The following KIF26B variants were observed in gnomAD, a reference collection of about 807,000 sequenced individuals.
KIF26B encodes the protein kinesin-like protein KIF26B.
In KIF26B, 63 loss-of-function variants were observed where a neutral mutation model predicts 151.2. The observed-to-expected ratio is 0.42, with a 90% CI of 0.34 to 0.51. The LOEUF (loss-of-function observed/expected upper bound fraction) is 0.51, where lower values mean the gene tolerates loss of function less well. KIF26B is among the 20% of genes least tolerant of loss of function. The pLI is 0.07. For synonymous variants in KIF26B, 1,357 were observed against 1,262.1 expected, an observed-to-expected ratio of 1.08 and a Z score of -1.59; for missense variants, 2,813 against 2,913.6, an observed-to-expected ratio of 0.97 and a Z score of 0.79.
intron 10 of KIF26B, among the ~76,000 whole-genome samples, chr1:245,647,439 A>AG (rs1224761860): frequency 3.4e-4 from 46 of 136,244 alleles, no homozygotes; most frequent in South Asian, 1.8e-3. Flanking sequence ...AAAAAAAAAA[A>AG]AAAAGAAAAA....
intron 8 of KIF26B, among the ~76,000 whole-genome samples, chr1:245,610,300 C>T (rs2043505501): frequency 6.6e-6 from 1 of 152,184 alleles, no homozygotes; most frequent in Non-Finnish European, 1.5e-5. Flanking sequence ...CAAACCTGAC[C>T]ATGCTCTTCC....
At chr1:245,297,357 A>G (rs1671357675) in intron 2 of KIF26B, among the ~76,000 whole-genome samples, 1 of 152,176 alleles carries the variant, frequency 6.6e-6, no homozygotes. Flanking sequence ...AATAAAAAAG[A>G]GCAATTTTTA....
intron 3 of KIF26B, among the ~76,000 whole-genome samples, chr1:245,409,659 A>G (rs1034389305): frequency 1.3e-5 from 2 of 152,200 alleles, no homozygotes; most frequent in Admixed American, 1.3e-4. Flanking sequence ...AGCTAAGATA[A>G]TAAGAGTAAT....
chr1:245,478,133 A>G (rs974464003), intron 4 of KIF26B, among the ~76,000 whole-genome samples: 1 of 151,990 alleles, frequency 6.6e-6, no homozygotes, highest in African/African-American at 2.4e-5. Flanking sequence ...TAATGGTTTC[A>G]AAGTCCATCC....
At chr1:245,557,134 G>T (rs762122071) in intron 5 of KIF26B, among the ~76,000 whole-genome samples, 2 of 152,222 alleles carry the variant, frequency 1.3e-5, no homozygotes, top group South Asian at 2.1e-4. Flanking sequence ...CACTTGCTCT[G>T]CAGTGTAAGC....
intron 2 of KIF26B, among the ~76,000 whole-genome samples, chr1:245,285,213 TCTC>T (rs1255670620): frequency 6.6e-6 from 1 of 152,036 alleles, no homozygotes; most frequent in Non-Finnish European, 1.5e-5. Context: ...TAGAGCATGT[TCTC>T]CTCATGGCAG....
intron 4 of KIF26B, among the ~76,000 whole-genome samples, chr1:245,527,595 G>C (rs565520330): frequency 1.5e-5 from 2 of 130,460 alleles, no homozygotes; most frequent in South Asian, 2.6e-4. Context: ...GCGCAGTGGC[G>C]TGATCTCGGC....
intron 5 of KIF26B, among the ~76,000 whole-genome samples, chr1:245,556,238 C>T (rs1662023130): frequency 6.7e-6 from 1 of 149,866 alleles, no homozygotes; most frequent in African/African-American, 2.5e-5. Flanking sequence ...TCTTCTTCTT[C>T]TTCCTCCTTC....
chr1:245,660,010 T>C (rs973214217), intron 10 of KIF26B, among the ~76,000 whole-genome samples: 18 of 151,598 alleles, frequency 1.2e-4, no homozygotes, highest in Admixed American at 3.3e-4. Context: ...GATCACGCCA[T>C]TGCACTCCAG....
At chr1:245,430,306 A>G (rs1400991995) in intron 4 of KIF26B, among the ~76,000 whole-genome samples, 2 of 151,864 alleles carry the variant, frequency 1.3e-5, no homozygotes, top group Non-Finnish European at 2.9e-5. Flanking sequence ...CACTTCTACC[A>G]CCACCCTAAT....
At chr1:245,534,635 A>AGTAGTTTTTAAGTTATG (rs1661450070) in intron 4 of KIF26B, among the ~76,000 whole-genome samples, 1 of 152,214 alleles carries the variant, frequency 6.6e-6, no homozygotes, top group African/African-American at 2.4e-5. Flanking sequence ...GAATAAGACA[A>AGTAGTTTTTAAGTTATG]GTAGTTTTTA....
At position 245,708,637 on chromosome 1, in the gene KIF26B, G is replaced by A. The variant is rs1218316273; in HGVS notation, c.*6031G>A. On this transcript the variant is annotated 3_prime_UTR_variant, in exon 15 of 15. Transcript: ENST00000407071. ...TCCAGCTTTGCCAGTCATCCTGTCC[G>A]TGATATATTCCATAGGACAGAAAAC... 2 of 150,278 alleles carry A rather than the reference G, an allele frequency of 1.3e-5. No individual in the cohort carries two copies. Among genetic ancestry groups the A allele is most frequent in the Admixed American group, 6.6e-5 (1 of 15,116 alleles). The allele number at this position is 150,278 out of a possible 1,614,324, so 9.3% of individuals were successfully genotyped here.
intron 10 of KIF26B, among the ~76,000 whole-genome samples, chr1:245,651,100 T>C (rs1394468857): frequency 6.6e-6 from 1 of 152,198 alleles, no homozygotes; most frequent in Non-Finnish European, 1.5e-5. Context: ...CAGAAGGCTG[T>C]GTTCCACAAA....
At chr1:245,570,975 A>G (rs1005838134) in intron 5 of KIF26B, among the ~76,000 whole-genome samples, 1 of 152,216 alleles carries the variant, frequency 6.6e-6, no homozygotes, top group African/African-American at 2.4e-5. Flanking sequence ...ATCTAACATA[A>G]TGAGTGAAAA....
intron 4 of KIF26B, among the ~76,000 whole-genome samples, chr1:245,422,687 G>A (rs1658519339): frequency 6.6e-6 from 1 of 152,140 alleles, no homozygotes; most frequent in South Asian, 2.1e-4. Context: ...TCCAATCTGT[G>A]CTCACCACTT....
chr1:245,660,449 C>T (rs1315267107), intron 10 of KIF26B, among the ~76,000 whole-genome samples: 4 of 151,258 alleles, frequency 2.6e-5, no homozygotes, highest in African/African-American at 9.7e-5. Flanking sequence ...GCGATCCTCC[C>T]ACCTCAGCAT....
At chr1:245,327,547 G>C (rs546388614) in intron 2 of KIF26B, among the ~76,000 whole-genome samples, 69 of 152,110 alleles carry the variant, frequency 4.5e-4, no homozygotes, top group Non-Finnish European at 2.6e-4. Context: ...TCTTTCTCTG[G>C]GATCCATGAG....
intron 10 of KIF26B, among the ~76,000 whole-genome samples, chr1:245,658,176 T>C (rs919943930): frequency 1.3e-5 from 2 of 152,216 alleles, no homozygotes; most frequent in Admixed American, 6.5e-5. Flanking sequence ...TGATCAGTAT[T>C]TCATTTTTGA....
At chr1:245,250,170 A>C (rs10924135) in intron 2 of KIF26B, among the ~76,000 whole-genome samples, 53,644 of 151,842 alleles carry the variant, frequency 0.35, 9,947 homozygotes, top group East Asian at 0.54. Flanking sequence ...ATCCTGTTGC[A>C]CTTTCTTTTT....
Sources: gnomAD v4.1 joint callset for allele counts (sites outside exome capture counted in the v4.1 genomes callset) on GRCh38, gnomAD v4.1.1 for gene constraint, MANE v1.5 for transcripts, NCBI Gene and HGNC (gene_info 2026-07-23, HGNC 2026-07-21) for gene names.